The following SNAPC3 variants were observed in gnomAD, a reference collection of about 807,000 sequenced individuals.
SNAPC3 encodes small nuclear RNA activating complex polypeptide 3.
A neutral mutation model predicts 47.7 loss-of-function variants in SNAPC3; 56 were observed. That is an observed-to-expected ratio of 1.18 (90% CI 0.95 to 1.47). The LOEUF is 1.47. SNAPC3 is among the 40% of genes most tolerant of loss of function. The pLI, the probability that SNAPC3 is intolerant of heterozygous loss-of-function variation, is 0.00. For synonymous variants in SNAPC3, 235 were observed against 189.9 expected, an observed-to-expected ratio of 1.24 and a Z score of -1.95; for missense variants, 665 against 511.3, an observed-to-expected ratio of 1.30 and a Z score of -2.90.
chr9:15,428,592 A>C (rs2031755612), intron 2 of SNAPC3, among the ~76,000 whole-genome samples: 1 of 152,158 alleles, frequency 6.6e-6, no homozygotes, highest in Admixed American at 6.5e-5. Flanking sequence ...AGGGTATAAA[A>C]ATGTTTACCT....
intron 3 of SNAPC3, among the ~76,000 whole-genome samples, chr9:15,442,030 ACCT>A (rs1407322221): frequency 2.0e-5 from 3 of 148,282 alleles, no homozygotes; most frequent in African/African-American, 7.5e-5. Context: ...GGCGCTCCCC[ACCT>A]CCTGGATGGG....
At chr9:15,435,456 C>T (rs1454068813) in intron 3 of SNAPC3, among the ~76,000 whole-genome samples, 1 of 152,114 alleles carries the variant, frequency 6.6e-6, no homozygotes, top group Non-Finnish European at 1.5e-5. Context: ...CCCTGTAATC[C>T]CAGCTACTCG....
chr9:15,441,982 G>GC (rs1300351409), intron 3 of SNAPC3, among the ~76,000 whole-genome samples: 45 of 151,978 alleles, frequency 3.0e-4, no homozygotes, highest in African/African-American at 7.5e-4. Flanking sequence ...AGGCAGAGGC[G>GC]CCCCCCCACC....
chr9:15,448,127 GAAC>G (rs1239190346), intron 5 of SNAPC3, among the ~76,000 whole-genome samples: 1 of 152,120 alleles, frequency 6.6e-6, no homozygotes, highest in Non-Finnish European at 1.5e-5. Context: ...AAGATATTTG[GAAC>G]AACAAGGATG....
At chr9:15,428,469 A>G (rs1007732300) in intron 2 of SNAPC3, among the ~76,000 whole-genome samples, 2 of 148,898 alleles carry the variant, frequency 1.3e-5, no homozygotes, top group African/African-American at 4.9e-5. Flanking sequence ...AGATCACGCC[A>G]CTGCACTCCA....
chr9:15,458,216 A>C, intron 8 of SNAPC3, 149 bp downstream of exon 8: 2 of 531,146 alleles, frequency 3.8e-6, no homozygotes, highest in South Asian at 5.6e-5. Flanking sequence ...AAATCAATTT[A>C]GTGAGTTAAA....
intron 2 of SNAPC3, among the ~76,000 whole-genome samples, chr9:15,427,408 G>C (rs1463297856): frequency 6.6e-6 from 1 of 152,178 alleles, no homozygotes; most frequent in Non-Finnish European, 1.5e-5. Context: ...GAGTGCAGTG[G>C]CTCAATCTCT....
intron 3 of SNAPC3, among the ~76,000 whole-genome samples, chr9:15,441,850 C>G (rs2033415365): frequency 6.6e-6 from 1 of 152,214 alleles, no homozygotes; most frequent in Non-Finnish European, 1.5e-5. Flanking sequence ...ACATTTCCCC[C>G]TTTTCTATTC....
At chr9:15,466,283 G>C (rs2035620696), downstream of SNAPC3, among the ~76,000 whole-genome samples, 1 of 151,870 alleles carries the variant, frequency 6.6e-6, no homozygotes, top group African/African-American at 2.4e-5. Flanking sequence ...GGAGGCTGAG[G>C]CAGGAGAATC....
chr9:15,439,377 T>C (rs1331159813), intron 3 of SNAPC3, among the ~76,000 whole-genome samples: 3 of 152,150 alleles, frequency 2.0e-5, no homozygotes, highest in Non-Finnish European at 4.4e-5. Context: ...CTTCTTTGTC[T>C]ATTGAAACCT....
chr9:15,435,237 T>G (rs979332719), intron 3 of SNAPC3, among the ~76,000 whole-genome samples: 29 of 152,276 alleles, frequency 1.9e-4, no homozygotes, highest in African/African-American at 7.0e-4. Context: ...TATTAAAATA[T>G]TTTGTCCATT....
rs138289255 is a variant in SNAPC3, at chr9:15,445,378, T to C, written c.582+672T>C. Among the ~76,000 whole-genome samples, 635 of 152,314 alleles carry C rather than the reference T, an allele frequency of 4.2e-3. 1 individual carries two copies. The highest frequency in any genetic ancestry group is 0.014 in the African/African-American group (572 of 41,564). On this transcript the variant is annotated intron_variant, in intron 4 of 8. Coordinates refer to ENST00000380821, the MANE Select transcript of SNAPC3 (RefSeq NM_001039697.2). The stretch of plus-strand genomic sequence containing the variant: ...GAGGAATTAGCCTATGTTCACTAAT[T>C]TAGAATACTTGGGAAGTTATTGAAC...
At chr9:15,439,356 TATATAATATCCTTC>T (rs2033116606) in intron 3 of SNAPC3, among the ~76,000 whole-genome samples, 1 of 152,176 alleles carries the variant, frequency 6.6e-6, no homozygotes, top group Admixed American at 6.5e-5. Context: ...CTTTTGCCAA[TATATAATATCCTTC>T]TTTGTCTATT....
intron 7 of SNAPC3, chr9:15,453,610 T>A (rs1470228115): frequency 6.5e-6 from 1 of 154,420 alleles, no homozygotes; most frequent in Non-Finnish European, 1.4e-5. Flanking sequence ...AGAGTAATTC[T>A]AATATTTGAC....
intron 5 of SNAPC3, among the ~76,000 whole-genome samples, chr9:15,449,882 T>C (rs1458792586): frequency 6.6e-6 from 1 of 152,106 alleles, no homozygotes; most frequent in African/African-American, 2.4e-5. Context: ...GGATGACTTT[T>C]GATTTAAATG....
intron 1 of SNAPC3, among the ~76,000 whole-genome samples, 177 bp downstream of exon 1, chr9:15,423,370 T>G (rs2030858799): frequency 6.6e-6 from 1 of 152,194 alleles, no homozygotes; most frequent in Non-Finnish European, 1.5e-5. Flanking sequence ...GGAGAAGTCC[T>G]GGGACCCGAA....
At chr9:15,438,741 C>T (rs2033054127) in intron 3 of SNAPC3, among the ~76,000 whole-genome samples, 1 of 151,960 alleles carries the variant, frequency 6.6e-6, no homozygotes. Context: ...ACGTTTATTA[C>T]TTTAATTTTT....
chr9:15,437,963 C>G (rs1350668285), intron 3 of SNAPC3, among the ~76,000 whole-genome samples: 1 of 152,092 alleles, frequency 6.6e-6, no homozygotes, highest in East Asian at 1.9e-4. Context: ...GTGTCTTTGT[C>G]TCACTGTGGT....
intron 3 of SNAPC3, among the ~76,000 whole-genome samples, chr9:15,436,800 A>G (rs2032845188): frequency 6.7e-6 from 1 of 149,240 alleles, no homozygotes; most frequent in South Asian, 2.1e-4. Flanking sequence ...ATTTATTTAG[A>G]TATTTAATTT....
Sources: allele counts gnomAD v4.1 joint callset (sites outside exome capture counted in the v4.1 genomes callset), GRCh38; gene constraint gnomAD v4.1.1; transcripts MANE v1.5; gene names NCBI Gene and HGNC (gene_info 2026-07-23, HGNC 2026-07-21).